The following NASP variants were observed in gnomAD, a reference collection of about 807,000 sequenced individuals.
NASP encodes the protein NASP histone chaperone.
NASP carries 24 observed loss-of-function variants against 89.5 expected under a neutral mutation model. The observed-to-expected ratio is 0.27, with a 90% confidence interval of 0.19 to 0.38. The LOEUF (loss-of-function observed/expected upper bound fraction) is 0.38. Among genes scored for constraint, NASP ranks in the 10% least tolerant of loss-of-function variants. NASP has a pLI of 1.00. For synonymous variants in NASP, 306 were observed against 324.7 expected (o/e 0.94, Z 0.62); for missense variants, 848 against 921.4 (o/e 0.92, Z 1.03).
rs1644145253 is a variant in NASP at position 45,618,349 on chromosome 1, ACTGATCTGTGTTC to A, written c.*215_*227del. 1.3e-5 allele frequency: 6 copies of A among 472,356 alleles called. No homozygotes were observed. The Middle Eastern group carries it at 1.9e-3, about 152-fold the overall frequency. 29.3% of individuals were successfully genotyped at this position (472,356 alleles called of 1,614,324 possible). ...CAAAGGTTTTGTTCTGGCCTTCTGT[ACTGATCTGTGTTC>A]CTGATCCTAATTCCTATCTGTCTAA... On this transcript the variant is annotated 3_prime_UTR_variant, in exon 15 of 15. Coordinates refer to ENST00000350030, the MANE Select transcript of NASP (RefSeq NM_002482.4).
chr1:45,614,189 T>A lies in NASP; in HGVS notation c.1592+8T>A. The A allele has an allele frequency of 6.2e-7, 1 of 1,607,610 alleles. No individual in the cohort carries two copies. The highest frequency in any genetic ancestry group is 8.5e-7 in the Non-Finnish European group (1 of 1,174,118). On this transcript the variant is annotated splice_region_variant and intron_variant, in intron 8 of 14. Transcript: ENST00000350030. ...AAAGATCATTTTTAAAAGGTAAAAC[T>A]CTTGGTGCTTCTAGGCTTGGGTTGG...
intron 6 of NASP, chr1:45,612,292 T>TA (rs1459506734): frequency 1.3e-5 from 2 of 152,196 alleles, no homozygotes; most frequent in Admixed American, 6.5e-5. Flanking sequence ...ATTCCCATAG[T>TA]AAGAGTGTTT....
rs529949203 is a variant in NASP at position 45,585,789 on chromosome 1, T to G, written c.59+1584T>G. ...CTGATCTTCCCTAGTAGCTTGGGACTACAGGTGTGCCACTACACCTGGCCA... is the reference window on the plus strand; with the variant it reads ...CTGATCTTCCCTAGTAGCTTGGGACGACAGGTGTGCCACTACACCTGGCCA... On this transcript the variant is annotated intron_variant, in intron 1 of 14. Transcript: ENST00000350030. 5.9e-5 allele frequency among the ~76,000 whole-genome samples: 9 copies of G among 152,286 alleles called. No individual in the cohort carries two copies. The South Asian group carries it at 1.9e-3, about 32-fold the overall frequency.
rs1375366938 is a variant in NASP, at chr1:45,599,951, G to GTTTTTTTTTTTTTTTTTTT, written c.108-2303_108-2302insTTTTTTTTTTTTTTTTTTT. On this transcript the variant is annotated intron_variant, in intron 2 of 14. Transcript: ENST00000350030. ...CTCTGTCCTAGAGTGCTTTTCCTCT[G>GTTTTTTTTTTTTTTTTTTT]TATTTTTTTTTTTTTTTTTTTTTTG... is the stretch of plus-strand genomic sequence containing the variant. Among the ~76,000 whole-genome samples, 7 of 101,938 alleles carry GTTTTTTTTTTTTTTTTTTT rather than the reference G, an allele frequency of 6.9e-5. 1 individual carries two copies. Among genetic ancestry groups the GTTTTTTTTTTTTTTTTTTT allele is most frequent in the African/African-American group, 3.0e-4 (7 of 23,152 alleles). The allele number at this position is 101,938 out of a possible 152,430, so 66.9% of individuals were successfully genotyped here. A position where few individuals can be genotyped will look rare whatever the true frequency, so the allele number is the denominator to read the frequency against.
chr1:45,618,316 A>G lies in NASP; in HGVS notation c.*175A>G, dbSNP rs1021154857. 1.8e-5 allele frequency: 10 copies of G among 551,772 alleles called. No homozygotes were observed. Among genetic ancestry groups the G allele is most frequent in the Admixed American group, 6.3e-5 (2 of 31,638 alleles). 34.2% of individuals were successfully genotyped at this position (551,772 alleles called of 1,614,324 possible). A position where few individuals can be genotyped will look rare whatever the true frequency, so the allele number is the denominator to read the frequency against. ...TGCCTTGGAGCACTGCTGGTTTTAT[A>G]TATTAGCCAAAGGTTTTGTTCTGGC... On this transcript the variant is annotated 3_prime_UTR_variant, in exon 15 of 15. Transcript: ENST00000350030.
chr1:45,592,001 T>G (rs1643561954), intron 2 of NASP, among the ~76,000 whole-genome samples: 1 of 152,186 alleles, frequency 6.6e-6, no homozygotes, highest in Admixed American at 6.5e-5. Context: ...TTTTATTTAT[T>G]TTTTAGACTG....
Position 45,607,618 on chromosome 1 carries a change from T to G in NASP, c.707T>G (p.Val236Gly). 6.2e-7 allele frequency: 1 copy of G among 1,614,044 alleles called. No homozygotes were observed. The change falls in exon 6 of 15, where the codon GTA (valine) becomes GGA (glycine). Residue 236 changes from valine (V) to glycine (G), a missense_variant. Coordinates refer to ENST00000350030, the MANE Select transcript of NASP (RefSeq NM_002482.4). ...EVTSGKPEQEVPDAEEEKSVS... is the reference protein window; with the variant it reads ...EVTSGKPEQEGPDAEEEKSVS... ...ACTTCTGGGAAGCCAGAACAGGAAG[T>G]ACCAGATGCTGAGGAAGAAAAATCA...
chr1:45,589,772 GCGC>G (rs762488226), intron 1 of NASP, among the ~76,000 whole-genome samples: 5 of 151,856 alleles, frequency 3.3e-5, no homozygotes, highest in Non-Finnish European at 5.9e-5. Flanking sequence ...GTGGTGGTGG[GCGC>G]CTGTAATCCC....
chr1:45,616,195 G>C (rs957901489), intron 11 of NASP, 142 bp from the exon 12 acceptor site: 1 of 729,210 alleles, frequency 1.4e-6, no homozygotes, highest in Non-Finnish European at 2.4e-6. Flanking sequence ...AGGTGGGCCA[G>C]GGGTAGAACT....
chr1:45,591,458 A>G (rs902111703), intron 2 of NASP, among the ~76,000 whole-genome samples, 188 bp downstream of exon 2: 7 of 152,184 alleles, frequency 4.6e-5, no homozygotes, highest in African/African-American at 9.7e-5. Context: ...GGCTCAAGCA[A>G]TCTTCCCACT....
intron 6 of NASP, chr1:45,610,837 T>C (rs993474445): frequency 1.3e-5 from 2 of 152,362 alleles, no homozygotes; most frequent in African/African-American, 4.8e-5. Context: ...TACGTCAGCC[T>C]CCTGAGTAGC....
At chr1:45,597,176 G>A (rs529057157) in intron 2 of NASP, among the ~76,000 whole-genome samples, 2 of 151,454 alleles carry the variant, frequency 1.3e-5, no homozygotes, top group Non-Finnish European at 2.9e-5. Flanking sequence ...GTGTGGTGGT[G>A]CCCGCTTTTA....
Position 45,606,536 on chromosome 1 carries a change from A to G in NASP, c.354A>G (p.Glu118=), listed in dbSNP as rs140475040. The G allele has an allele frequency of 2.4e-5, 39 of 1,613,682 alleles. No homozygotes were observed. The highest frequency in any genetic ancestry group is 3.3e-5 in the Non-Finnish European group (39 of 1,179,802). Reference sequence around the variant, plus strand: ...TGGAAGGTGTGCATGTGGAAGAGGAAGAAGGAGAAAAAACAGAAGATGAAT... The same window carrying G: ...TGGAAGGTGTGCATGTGGAAGAGGAGGAAGGAGAAAAAACAGAAGATGAAT... ...NALEGVHVEE[E]EGEKTEDESL... Residue 118 remains glutamate (E), a synonymous_variant, in exon 5 of 15, where the codon GAA becomes GAG. Coordinates refer to ENST00000350030, the MANE Select transcript of NASP (RefSeq NM_002482.4).
intron 6 of NASP, 89 bp from the exon 7 acceptor site, chr1:45,613,080 A>G (rs1644042794): frequency 1.4e-6 from 2 of 1,479,918 alleles, no homozygotes; most frequent in African/African-American, 1.4e-5. Context: ...GTCCTATCTG[A>G]ATATAGGTTG....
chr1:45,587,309 C>T (rs986505660), intron 1 of NASP, among the ~76,000 whole-genome samples: 2 of 151,912 alleles, frequency 1.3e-5, no homozygotes, highest in Admixed American at 6.6e-5. Context: ...GCCTCAGCCT[C>T]CCAAGTAGCT....
Position 45,591,287 on chromosome 1 carries a change from G to A in NASP, c.107+17G>A. 1 of 1,468,468 alleles carries A rather than the reference G, an allele frequency of 6.8e-7. No homozygotes were observed. Among genetic ancestry groups the A allele is most frequent in the Non-Finnish European group, 9.2e-7 (1 of 1,081,358 alleles). 91.0% of individuals were successfully genotyped at this position (1,468,468 alleles called of 1,614,324 possible). A position where few individuals can be genotyped will look rare whatever the true frequency, so the allele number is the denominator to read the frequency against. Reference sequence around the variant, plus strand: ...AGTGGAGAGGTAAGATTATTTACATGGTAGTTAGATTCGTATCAGAAACAT... The same window carrying A: ...AGTGGAGAGGTAAGATTATTTACATAGTAGTTAGATTCGTATCAGAAACAT... On this transcript the variant is annotated intron_variant, in intron 2 of 14. Coordinates refer to ENST00000350030, the MANE Select transcript of NASP (RefSeq NM_002482.4).
intron 6 of NASP, among the ~76,000 whole-genome samples, chr1:45,608,636 A>G (rs1041215928): frequency 1.3e-5 from 2 of 152,186 alleles, no homozygotes; most frequent in Non-Finnish European, 2.9e-5. Flanking sequence ...ATACTAGCCA[A>G]TAAAGTGGGA....
intron 1 of NASP, among the ~76,000 whole-genome samples, chr1:45,589,216 C>G (rs114268388): frequency 6.6e-6 from 1 of 152,172 alleles, no homozygotes; most frequent in Non-Finnish European, 1.5e-5. Flanking sequence ...CAGCCTCTAT[C>G]TCCTGGGCTC....
At position 45,618,084 on chromosome 1, in the gene NASP, G is replaced by A; in HGVS notation, c.2310G>A (p.Arg770=). The change falls in exon 15 of 15, where the codon CGG becomes CGA. Residue 770 remains arginine, a synonymous_variant. Transcript: ENST00000350030. ...EEEAENQAES[R]AAVEGTVEAG... ...AGGCTGAGAATCAGGCTGAAAGCCG[G>A]GCAGCAGTGGAGGGGACAGTGGAGG... 1 of 1,603,098 alleles carries A rather than the reference G, an allele frequency of 6.2e-7. No individual in the cohort carries two copies. The highest frequency in any genetic ancestry group is 1.1e-5 in the South Asian group (1 of 88,658).
Sources: gnomAD v4.1 joint callset for allele counts (sites outside exome capture counted in the v4.1 genomes callset) on GRCh38, gnomAD v4.1.1 for gene constraint, MANE v1.5 for transcripts, NCBI Gene and HGNC (gene_info 2026-07-23, HGNC 2026-07-21) for gene names.